Variants in RB1CC1 observed in about 807,000 individuals in gnomAD.
RB1CC1 encodes RB1-inducible coiled-coil protein 1.
A neutral mutation model predicts 177.5 loss-of-function variants in RB1CC1; 46 were observed. The ratio of observed to expected loss-of-function variants is 0.26; its 90% CI spans 0.20 to 0.33. The LOEUF (loss-of-function observed/expected upper bound fraction) is 0.33. Ranked by LOEUF, RB1CC1 falls within the 10% of genes least tolerant of loss-of-function variation. The pLI, the probability that RB1CC1 is intolerant of heterozygous loss-of-function variation, is 1.00. For synonymous variants in RB1CC1, 666 were observed against 613.6 expected (o/e 1.09, Z -1.26); for missense variants, 1,703 against 1,816.3 (o/e 0.94, Z 1.13).
intron 6 of RB1CC1, among the ~76,000 whole-genome samples, chr8:52,674,867 TACAAA>T (rs1852952734): frequency 6.6e-6 from 1 of 152,134 alleles, no homozygotes; most frequent in African/African-American, 2.4e-5. Context: ...AATTTAAATT[TACAAA>T]AAGATTCACC....
At chr8:52,682,555 ACTTT>A (rs1853856790) in intron 5 of RB1CC1, among the ~76,000 whole-genome samples, 1 of 152,030 alleles carries the variant, frequency 6.6e-6, no homozygotes, top group Non-Finnish European at 1.5e-5. Context: ...TTTTCTTTTT[ACTTT>A]CTTGTTTTCA....
At position 52,645,694 on chromosome 8, in the gene RB1CC1, A is replaced by C. The variant is rs1210414451; in HGVS notation, c.3987+8T>G. The C allele has an allele frequency of 1.2e-6, 2 of 1,609,336 alleles. No homozygotes were observed. The highest frequency in any genetic ancestry group is 1.7e-6 in the Non-Finnish European group (2 of 1,178,226). ...GTTCTCAAATGAAATGGGAAAAGAG[A>C]TACAGACCTGTTGTTCCGCAATCAA... On this transcript the variant is annotated splice_region_variant and intron_variant, in intron 16 of 23. Coordinates refer to ENST00000025008, the MANE Select transcript of RB1CC1 (RefSeq NM_014781.5).
At chr8:52,674,351 A>C in intron 6 of RB1CC1, 77 bp from the exon 7 acceptor site, 1 of 1,256,818 alleles carries the variant, frequency 8.0e-7, no homozygotes, top group South Asian at 1.4e-5. Flanking sequence ...ATGAAATCAC[A>C]TATTATTATA....
intron 1 of RB1CC1, among the ~76,000 whole-genome samples, chr8:52,696,627 A>G (rs1855436528): frequency 6.6e-6 from 1 of 152,220 alleles, no homozygotes; most frequent in Non-Finnish European, 1.5e-5. Context: ...AACAAAAACA[A>G]AAAACCTCAG....
intron 22 of RB1CC1, among the ~76,000 whole-genome samples, chr8:52,625,845 C>T (rs57896620): frequency 0.016 from 2,500 of 152,214 alleles, 66 homozygotes; most frequent in African/African-American, 0.056. Flanking sequence ...GTAGAACTAC[C>T]ATAAGTTGGG....
At chr8:52,671,290 T>A (rs1475345732) in intron 7 of RB1CC1, among the ~76,000 whole-genome samples, 1 of 152,202 alleles carries the variant, frequency 6.6e-6, no homozygotes, top group Admixed American at 6.5e-5. Flanking sequence ...TGTTACAAAA[T>A]ACTGTTACAA....
At position 52,657,471 on chromosome 8, in the gene RB1CC1, C is replaced by T; in HGVS notation, c.2358G>A (p.Glu786=). 6.2e-7 allele frequency: 1 copy of T among 1,613,754 alleles called. No individual in the cohort carries two copies. The highest frequency in any genetic ancestry group is 1.3e-5 in the African/African-American group (1 of 75,058). ...RMQDTNVCGK[E]DFGDHTSLNV... ...TCAGAGAAGTATGATCTCCAAAATC[C>T]TCCTTACCACATACATTTGTATCCT... Residue 786 remains glutamate, a synonymous_variant, in exon 15 of 24, where the codon GAG becomes GAA. Transcript: ENST00000025008.
chr8:52,690,591 C>T (rs184669645), intron 1 of RB1CC1, among the ~76,000 whole-genome samples: 1 of 152,286 alleles, frequency 6.6e-6, no homozygotes, highest in African/African-American at 2.4e-5. Flanking sequence ...GAGGCCTGAA[C>T]TGAGAAGATG....
chr8:52,663,138 T>TG (rs1851773887), intron 8 of RB1CC1, among the ~76,000 whole-genome samples: 2 of 152,136 alleles, frequency 1.3e-5, no homozygotes, highest in South Asian at 4.1e-4. Context: ...ATTACTAATA[T>TG]TTTTACACGC....
At chr8:52,666,798 T>C (rs1852106859) in intron 8 of RB1CC1, among the ~76,000 whole-genome samples, 1 of 151,940 alleles carries the variant, frequency 6.6e-6, no homozygotes, top group African/African-American at 2.4e-5. Context: ...AGTTAAAATG[T>C]AGGTTAAAGG....
intron 3 of RB1CC1, among the ~76,000 whole-genome samples, 163 bp from the exon 4 acceptor site, chr8:52,684,176 AT>A (rs1288731027): frequency 1.3e-5 from 2 of 152,228 alleles, no homozygotes; most frequent in African/African-American, 4.8e-5. Context: ...AATGAACAGG[AT>A]TCCATAACAA....
At chr8:52,675,500 T>C (rs1002291816) in intron 6 of RB1CC1, among the ~76,000 whole-genome samples, 1 of 151,884 alleles carries the variant, frequency 6.6e-6, no homozygotes, top group African/African-American at 2.4e-5. Context: ...CTACAGCCCT[T>C]TTAAAAAAAG....
intron 18 of RB1CC1, 129 bp from the exon 19 acceptor site, chr8:52,636,198 C>A: frequency 9.8e-7 from 1 of 1,016,616 alleles, no homozygotes; most frequent in Non-Finnish European, 1.4e-6. Context: ...TCAAAAGTAG[C>A]TTATTTCAGT....
chr8:52,635,800 C>A (rs1849097977), intron 19 of RB1CC1, among the ~76,000 whole-genome samples: 1 of 152,040 alleles, frequency 6.6e-6, no homozygotes, highest in Non-Finnish European at 1.5e-5. Flanking sequence ...TGGGAAATTA[C>A]AACAAATGGG....
intron 1 of RB1CC1, among the ~76,000 whole-genome samples, chr8:52,709,595 T>C (rs1591164007): frequency 6.6e-6 from 1 of 152,128 alleles, no homozygotes; most frequent in East Asian, 1.9e-4. Flanking sequence ...AAGAATTAGT[T>C]GGCAGTGGTA....
chr8:52,673,797 T>C (rs746245576), intron 7 of RB1CC1, 48 bp downstream of exon 7: 42 of 1,467,686 alleles, frequency 2.9e-5, no homozygotes, highest in East Asian at 1.7e-4. Context: ...GGATAAATAA[T>C]ATAAAGTAGT....
chr8:52,687,792 C>T (rs1344070375), intron 1 of RB1CC1, among the ~76,000 whole-genome samples: 2 of 152,122 alleles, frequency 1.3e-5, no homozygotes, highest in South Asian at 4.1e-4. Flanking sequence ...TGAAGCCATG[C>T]CCAGAATCTA....
intron 5 of RB1CC1, among the ~76,000 whole-genome samples, chr8:52,679,369 C>T (rs1480705672): frequency 6.6e-6 from 1 of 152,182 alleles, no homozygotes; most frequent in Admixed American, 6.5e-5. Context: ...GAAAGTCACA[C>T]CTCTGCTGAC....
intron 3 of RB1CC1, among the ~76,000 whole-genome samples, chr8:52,684,763 T>C (rs1854098486): frequency 6.6e-6 from 1 of 152,166 alleles, no homozygotes; most frequent in Non-Finnish European, 1.5e-5. Flanking sequence ...ATAATTCCCT[T>C]AACAATGGCC....
Sources: gnomAD v4.1 joint callset for allele counts (sites outside exome capture counted in the v4.1 genomes callset) on GRCh38, gnomAD v4.1.1 for gene constraint, MANE v1.5 for transcripts, NCBI Gene and HGNC (gene_info 2026-07-23, HGNC 2026-07-21) for gene names.